RHAG: variants seen among roughly 807,000 people sequenced by gnomAD.
RHAG encodes Rh associated glycoprotein.
In RHAG, 25 loss-of-function variants were observed where a neutral mutation model predicts 42.4. The observed-to-expected ratio is 0.59, with a 90% confidence interval of 0.43 to 0.82. The LOEUF (loss-of-function observed/expected upper bound fraction) is 0.82, where lower values mean the gene tolerates loss of function less well. Among genes scored for constraint, RHAG ranks in the 40% least tolerant of loss-of-function variants. The pLI is 0.00. For synonymous variants in RHAG, 182 were observed against 177.7 expected (o/e 1.02, Z -0.19); for missense variants, 483 against 504.6 (o/e 0.96, Z 0.41).
At chr6:49,611,665 C>A (rs1423408250) in intron 6 of RHAG, among the ~76,000 whole-genome samples, 1 of 151,862 alleles carries the variant, frequency 6.6e-6, no homozygotes, top group Non-Finnish European at 1.5e-5. Context: ...CCATTTCAGT[C>A]TTTAGTGGAT....
At position 49,605,674 on chromosome 6, in the gene RHAG, ACT is replaced by A; in HGVS notation, c.*137_*138del. 1.2e-6 allele frequency: 1 copy of A among 829,080 alleles called. No homozygotes were observed. Among genetic ancestry groups the A allele is most frequent in the South Asian group, 1.4e-5 (1 of 73,738 alleles). 51.4% of individuals were successfully genotyped at this position (829,080 alleles called of 1,614,324 possible). A position where few individuals can be genotyped will look rare whatever the true frequency, so the allele number is the denominator to read the frequency against. ...TTAGGATCTATTCACTCTGGTCCAT[ACT>A]CTCTTTGGTTACTCCCTTTTTGTTT... On this transcript the variant is annotated 3_prime_UTR_variant, in exon 10 of 10. Transcript: ENST00000371175.
At chr6:49,630,960 T>C (rs909845326) in intron 1 of RHAG, among the ~76,000 whole-genome samples, 1 of 152,236 alleles carries the variant, frequency 6.6e-6, no homozygotes, top group Non-Finnish European at 1.5e-5. Context: ...TCTTACATGC[T>C]TTTCATTGCT....
At chr6:49,625,608 C>T (rs1475120904) in intron 1 of RHAG, among the ~76,000 whole-genome samples, 1 of 152,188 alleles carries the variant, frequency 6.6e-6, no homozygotes, top group African/African-American at 2.4e-5. Flanking sequence ...TCATCATCAC[C>T]ATCACCACCA....
At chr6:49,614,935 T>A in intron 4 of RHAG, 82 bp from the exon 5 acceptor site, 2 of 1,251,716 alleles carry the variant, frequency 1.6e-6, no homozygotes, top group South Asian at 1.3e-5. Flanking sequence ...TTTATTTATT[T>A]ACTTATTTAT....
intron 1 of RHAG, among the ~76,000 whole-genome samples, chr6:49,634,277 T>C (rs1020373560): frequency 6.6e-6 from 1 of 152,126 alleles, no homozygotes; most frequent in African/African-American, 2.4e-5. Flanking sequence ...TTCATCACTT[T>C]CCCTGTTCCA....
Position 49,615,531 on chromosome 6 carries a change from G to A in RHAG, c.640+93C>T, listed in dbSNP as rs545441190. On this transcript the variant is annotated intron_variant, in intron 4 of 9. Coordinates refer to ENST00000371175, the MANE Select transcript of RHAG (RefSeq NM_000324.3). Reference sequence around the variant, plus strand: ...GTTCACTACCATGCCTGGCTTGGATGTTCTTTTTGAGCATCTCACACCCTT... The same window carrying A: ...GTTCACTACCATGCCTGGCTTGGATATTCTTTTTGAGCATCTCACACCCTT... 6 of 1,414,332 alleles carry A rather than the reference G, an allele frequency of 4.2e-6. No individual in the cohort carries two copies. In the African/African-American group the frequency reaches 8.4e-5, roughly 20 times the overall value. The allele number at this position is 1,414,332 out of a possible 1,614,324, so 87.6% of individuals were successfully genotyped here. A position where few individuals can be genotyped will look rare whatever the true frequency, so the allele number is the denominator to read the frequency against.
intron 1 of RHAG, among the ~76,000 whole-genome samples, chr6:49,621,642 T>G (rs1762761175): frequency 6.6e-6 from 1 of 152,364 alleles, no homozygotes; most frequent in Middle Eastern, 3.4e-3. Flanking sequence ...ATATTCATTT[T>G]TCTTTACACA....
In RHAG at chr6:49,615,693, G is replaced by T. The variant is rs758540029; in HGVS notation, c.571C>A (p.Arg191=). 8 of 1,613,888 alleles carry T rather than the reference G, an allele frequency of 5.0e-6. No individual in the cohort carries two copies. The East Asian group carries it at 1.3e-4, about 27-fold the overall frequency. ...TCATGCCCCTTTCTCAGTCCAGATC[G>T]ATACAAGATGCCTGCTACAGCCAAG... The part of the protein sequence containing the change: ...FGLAVAGILY[R]SGLRKGHENE... The change falls in exon 4 of 10, where the codon CGA becomes AGA. Residue 191 remains arginine (R), a synonymous_variant. Transcript: ENST00000371175.
chr6:49,611,500 T>C (rs9473623), intron 6 of RHAG, among the ~76,000 whole-genome samples: 18,263 of 152,180 alleles, frequency 0.12, 1,834 homozygotes, highest in African/African-American at 0.28. Flanking sequence ...CTAGGCATAT[T>C]CCTCCTGTAT....
At chr6:49,626,991 C>A (rs187548042) in intron 1 of RHAG, among the ~76,000 whole-genome samples, 201 of 152,336 alleles carry the variant, frequency 1.3e-3, no homozygotes, top group African/African-American at 4.6e-3. Flanking sequence ...TTGCATAGAG[C>A]AGGGAAGCCC....
intron 7 of RHAG, among the ~76,000 whole-genome samples, chr6:49,610,487 C>T (rs573282581): frequency 6.6e-6 from 1 of 152,246 alleles, no homozygotes; most frequent in Non-Finnish European, 1.5e-5. Context: ...ATAAATACTC[C>T]AATCTTCTTA....
At chr6:49,619,097 A>G (rs1322178020) in intron 2 of RHAG, 82 bp downstream of exon 2, 1 of 1,478,884 alleles carries the variant, frequency 6.8e-7, no homozygotes, top group Non-Finnish European at 9.4e-7. Flanking sequence ...CCCACCTCTT[A>G]ATATCATCAT....
At chr6:49,612,300 T>C (rs1301803799) in intron 6 of RHAG, 97 bp downstream of exon 6, 2 of 1,349,374 alleles carry the variant, frequency 1.5e-6, no homozygotes, top group East Asian at 2.3e-5. Flanking sequence ...TAAAAATGTT[T>C]ATAAAATAAA....
chr6:49,617,928 G>A (rs1175816093), intron 3 of RHAG, 140 bp downstream of exon 3: 2 of 739,442 alleles, frequency 2.7e-6, no homozygotes, highest in Non-Finnish European at 4.7e-6. Flanking sequence ...TAGGCACTCA[G>A]TAAATGATGG....
chr6:49,625,222 G>C (rs1185605101), intron 1 of RHAG, among the ~76,000 whole-genome samples: 1 of 152,194 alleles, frequency 6.6e-6, no homozygotes, highest in East Asian at 1.9e-4. Context: ...GTAGACAAAT[G>C]TGGCCTAAAT....
At chr6:49,617,550 C>T (rs773910839) in intron 3 of RHAG, among the ~76,000 whole-genome samples, 1 of 152,102 alleles carries the variant, frequency 6.6e-6, no homozygotes, top group African/African-American at 2.4e-5. Flanking sequence ...AATAGAAATA[C>T]AAACAAAGTA....
intron 1 of RHAG, among the ~76,000 whole-genome samples, chr6:49,622,176 G>GCTGTTCTC (rs903354872): frequency 2.7e-5 from 4 of 149,608 alleles, no homozygotes; most frequent in Non-Finnish European, 5.9e-5. Flanking sequence ...TCCTTCCCGT[G>GCTGTTCTC]CTGTTCTCTG....
intron 9 of RHAG, 43 bp from the exon 10 acceptor site, chr6:49,605,873 C>G (rs1318014337): frequency 1.3e-6 from 2 of 1,527,578 alleles, no homozygotes; most frequent in South Asian, 2.2e-5. Context: ...GTTTATTTCA[C>G]TGTTCTTGTC....
intron 1 of RHAG, among the ~76,000 whole-genome samples, chr6:49,623,261 A>G (rs983229520): frequency 2.0e-5 from 3 of 152,150 alleles, no homozygotes; most frequent in African/African-American, 7.2e-5. Flanking sequence ...AACCTCATTT[A>G]TTATTTAAAT....
Sources: gnomAD v4.1 joint callset for allele counts (sites outside exome capture counted in the v4.1 genomes callset) on GRCh38, gnomAD v4.1.1 for gene constraint, MANE v1.5 for transcripts, NCBI Gene and HGNC (gene_info 2026-07-23, HGNC 2026-07-21) for gene names.